CUL2: variants seen among roughly 807,000 people sequenced by gnomAD.
CUL2 encodes the protein cullin 2, also known as cullin-2.
A neutral mutation model predicts 110.2 loss-of-function variants in CUL2; 22 were observed. The ratio of observed to expected loss-of-function variants is 0.20; its 90% CI spans 0.14 to 0.28. The LOEUF (loss-of-function observed/expected upper bound fraction) is 0.28. Among genes scored for constraint, CUL2 ranks in the 10% least tolerant of loss-of-function variants. The pLI is 1.00. For synonymous variants in CUL2, 279 were observed against 293.2 expected (o/e 0.95, Z 0.49); for missense variants, 631 against 905.5 (o/e 0.70, Z 3.89).
intron 4 of CUL2, among the ~76,000 whole-genome samples, chr10:35,060,426 T>C (rs930134830): frequency 7.9e-5 from 12 of 152,300 alleles, no homozygotes; most frequent in African/African-American, 2.9e-4. Flanking sequence ...CCATGGGGAA[T>C]GCAGAACTTC....
upstream of CUL2, among the ~76,000 whole-genome samples, chr10:35,093,132 C>A (rs1185377091): frequency 6.6e-6 from 1 of 152,112 alleles, no homozygotes; most frequent in Non-Finnish European, 1.5e-5. Context: ...ATGATTCCAT[C>A]CCCAACCCAT....
chr10:35,063,292 A>G (rs537335568), intron 2 of CUL2, among the ~76,000 whole-genome samples: 1 of 152,334 alleles, frequency 6.6e-6, no homozygotes, highest in Non-Finnish European at 1.5e-5. Flanking sequence ...TTATTTGAAG[A>G]CACTGTAAGG....
chr10:35,064,832 C>G (rs568427062), intron 2 of CUL2, among the ~76,000 whole-genome samples: 2 of 152,044 alleles, frequency 1.3e-5, no homozygotes, highest in Non-Finnish European at 2.9e-5. Flanking sequence ...TATGAGCCAC[C>G]GCTCAATATA....
chr10:35,089,098 C>G (rs1292991376), intron 1 of CUL2, among the ~76,000 whole-genome samples: 1 of 152,180 alleles, frequency 6.6e-6, no homozygotes, highest in African/African-American at 2.4e-5. Flanking sequence ...TTGCTTGAAC[C>G]CGGGAGGCGG....
At chr10:35,087,580 A>G (rs949302323) in intron 1 of CUL2, among the ~76,000 whole-genome samples, 1 of 152,106 alleles carries the variant, frequency 6.6e-6, no homozygotes, top group Admixed American at 6.6e-5. Context: ...CCCATCCCAT[A>G]CAACAGCCTG....
intron 1 of CUL2, among the ~76,000 whole-genome samples, chr10:35,107,053 C>A (rs970828241): frequency 6.6e-6 from 1 of 152,076 alleles, no homozygotes; most frequent in African/African-American, 2.4e-5. Flanking sequence ...CAGCTCACTG[C>A]AAGCTCCACC....
intron 1 of CUL2, among the ~76,000 whole-genome samples, chr10:35,114,995 T>G (rs1314544840): frequency 6.7e-6 from 1 of 149,758 alleles, no homozygotes; most frequent in Non-Finnish European, 1.5e-5. Flanking sequence ...GCAGATCACC[T>G]GAGGTCAGAA....
intron 1 of CUL2, among the ~76,000 whole-genome samples, chr10:35,081,083 G>A (rs1002090459): frequency 1.3e-5 from 2 of 152,070 alleles, no homozygotes; most frequent in African/African-American, 4.8e-5. Flanking sequence ...TGGGCCCTCT[G>A]GTAACATGCG....
intron 1 of CUL2, chr10:35,089,977 G>C (rs2087166005): frequency 6.6e-6 from 1 of 152,402 alleles, no homozygotes; most frequent in Admixed American, 6.5e-5. Context: ...AGTCCAGGGG[G>C]TGGCAGGGCT....
chr10:35,096,902 T>C (rs1432623054), intron 2 of CUL2, among the ~76,000 whole-genome samples: 1 of 151,420 alleles, frequency 6.6e-6, no homozygotes, highest in Non-Finnish European at 1.5e-5. Flanking sequence ...CTCTGCCTCC[T>C]GGCTTCAAGT....
chr10:35,108,333 T>G (rs1412510122), intron 1 of CUL2, among the ~76,000 whole-genome samples: 1 of 151,284 alleles, frequency 6.6e-6, no homozygotes, highest in African/African-American at 2.4e-5. Flanking sequence ...GGTGTGTGCC[T>G]GTAGTCCCAG....
chr10:35,073,749 C>T (rs1014177352), intron 1 of CUL2, among the ~76,000 whole-genome samples: 31 of 152,014 alleles, frequency 2.0e-4, no homozygotes, highest in East Asian at 1.6e-3. Flanking sequence ...AGATTACAGG[C>T]GTCTGCCACC....
chr10:35,104,392 A>T (rs1025956961), intron 1 of CUL2, among the ~76,000 whole-genome samples: 1 of 152,056 alleles, frequency 6.6e-6, no homozygotes. Context: ...GCTGCAGTGA[A>T]CCAAGATCTC....
At chr10:35,021,857 GAGGT>G (rs2085204385) in intron 17 of CUL2, among the ~76,000 whole-genome samples, 1 of 135,204 alleles carries the variant, frequency 7.4e-6, no homozygotes, top group Non-Finnish European at 1.6e-5. Flanking sequence ...GAGGTGAGGT[GAGGT>G]GGGGTGGGGT....
chr10:35,094,684 G>T (rs1011689016), upstream of CUL2, among the ~76,000 whole-genome samples: 5 of 152,048 alleles, frequency 3.3e-5, no homozygotes. Context: ...CACTATAACA[G>T]CCCCCTTTAT....
chr10:35,081,689 T>C (rs1188132628), intron 1 of CUL2, among the ~76,000 whole-genome samples: 2 of 151,802 alleles, frequency 1.3e-5, no homozygotes, highest in African/African-American at 4.8e-5. Context: ...AGCCCAGGAG[T>C]TCGCAGCCAA....
At chr10:35,077,166 C>T (rs1008859582) in intron 1 of CUL2, among the ~76,000 whole-genome samples, 9 of 151,746 alleles carry the variant, frequency 5.9e-5, no homozygotes, top group African/African-American at 1.2e-4. Context: ...TTTGGCAATA[C>T]GAGGAAATGA....
Position 35,054,984 on chromosome 10 carries a change from C to T in CUL2, c.318-445G>A, listed in dbSNP as rs557317404. On this transcript the variant is annotated intron_variant, in intron 4 of 20. Transcript: ENST00000374749. ...ACAATCAGTAGGTAAGAAAATGGAA[C>T]ACAGTGTTACAGATAGTAAGTATGG... 5.3e-4 allele frequency among the ~76,000 whole-genome samples: 81 copies of T among 152,246 alleles called. 1 individual carries two copies. The highest frequency in any genetic ancestry group is 1.9e-3 in the African/African-American group (78 of 41,544).
At chr10:35,113,822 T>A (rs977285809) in intron 1 of CUL2, among the ~76,000 whole-genome samples, 3 of 151,520 alleles carry the variant, frequency 2.0e-5, no homozygotes, top group Admixed American at 2.0e-4. Context: ...TTCTCCTGCA[T>A]CAGGCCCCTG....
Sources: gnomAD v4.1 joint callset for allele counts (sites outside exome capture counted in the v4.1 genomes callset) on GRCh38, gnomAD v4.1.1 for gene constraint, MANE v1.5 for transcripts, NCBI Gene and HGNC (gene_info 2026-07-23, HGNC 2026-07-21) for gene names.